The following ERC1 variants were observed in gnomAD, a reference collection of about 807,000 sequenced individuals.
The protein encoded by ERC1 is RAB6 interacting protein 2.
ERC1 carries 56 observed loss-of-function variants against 132.0 expected under a neutral mutation model. The ratio of observed to expected loss-of-function variants is 0.42; its 90% CI spans 0.34 to 0.53. The LOEUF is 0.53. Among genes scored for constraint, ERC1 ranks in the 20% least tolerant of loss-of-function variants. ERC1 has a pLI of 0.03. For missense variants in ERC1, 1,202 were observed against 1,349.9 expected, an observed-to-expected ratio of 0.89 and a Z score of 1.72; for synonymous variants, 478 against 476.1, an observed-to-expected ratio of 1.00 and a Z score of -0.05.
intron 7 of ERC1, among the ~76,000 whole-genome samples, chr12:1,138,020 A>G (rs763017913): frequency 2.2e-4 from 27 of 125,162 alleles, no homozygotes; most frequent in South Asian, 7.2e-4. Flanking sequence ...GTGTAAATGT[A>G]TATATTATAT....
intron 2 of ERC1, among the ~76,000 whole-genome samples, chr12:1,075,874 G>A (rs1941261292): frequency 6.6e-6 from 1 of 152,196 alleles, no homozygotes; most frequent in Admixed American, 6.5e-5. Flanking sequence ...GATTGGTATT[G>A]CTGTCTCAGA....
At chr12:1,105,243 A>G (rs1032507692) in intron 4 of ERC1, among the ~76,000 whole-genome samples, 8 of 152,220 alleles carry the variant, frequency 5.3e-5, no homozygotes, top group East Asian at 3.8e-4. Context: ...ACTCAAAGCA[A>G]CACGAGTCCT....
At chr12:1,195,846 CA>C (rs1180761769) in intron 12 of ERC1, among the ~76,000 whole-genome samples, 1 of 144,900 alleles carries the variant, frequency 6.9e-6, no homozygotes, top group East Asian at 2.1e-4. Flanking sequence ...CCAGTGCATT[CA>C]AATGGATATA....
In ERC1 at chr12:1,217,749, A is replaced by C. The variant is rs531154569; in HGVS notation, c.2352-19020A>C. Among the ~76,000 whole-genome samples the C allele has an allele frequency of 2.0e-5, 3 of 152,096 alleles. No individual in the cohort carries two copies. In the South Asian group the frequency reaches 6.2e-4, roughly 32 times the overall value. On this transcript the variant is annotated intron_variant, in intron 12 of 18. Coordinates refer to ENST00000360905, the MANE Select transcript of ERC1 (RefSeq NM_178040.4). ...TGTTTTGAACCTCGTATGGCCTCACACTTCCTTCCTTACCCGGGTCAGATT... is the reference window on the plus strand; with the variant it reads ...TGTTTTGAACCTCGTATGGCCTCACCCTTCCTTCCTTACCCGGGTCAGATT...
At chr12:1,195,604 C>G (rs1956144960) in intron 12 of ERC1, among the ~76,000 whole-genome samples, 1 of 152,200 alleles carries the variant, frequency 6.6e-6, no homozygotes, top group South Asian at 2.1e-4. Context: ...TGACCCCTTT[C>G]TCCTGAACAT....
intron 1 of ERC1, among the ~76,000 whole-genome samples, chr12:1,021,013 C>T (rs979156484): frequency 1.3e-5 from 2 of 152,160 alleles, no homozygotes; most frequent in Admixed American, 6.5e-5. Context: ...AGTCTGGGCT[C>T]ACTGCAGCCT....
intron 17 of ERC1, among the ~76,000 whole-genome samples, chr12:1,440,429 A>T (rs1041262959): frequency 2.7e-5 from 4 of 147,710 alleles, no homozygotes; most frequent in South Asian, 2.1e-4. Context: ...GATGGTCTCG[A>T]TCTCCTGACC....
At chr12:1,124,166 A>T (rs1007954418) in intron 7 of ERC1, among the ~76,000 whole-genome samples, 2 of 152,230 alleles carry the variant, frequency 1.3e-5, no homozygotes, top group African/African-American at 4.8e-5. Context: ...TTGTCCTAAC[A>T]TAGAGAATAA....
intron 15 of ERC1, among the ~76,000 whole-genome samples, chr12:1,326,124 C>T (rs1185249456): frequency 6.6e-6 from 1 of 152,126 alleles, no homozygotes; most frequent in Admixed American, 6.5e-5. Context: ...CAGGAACTTT[C>T]ACCAGTTTAT....
intron 11 of ERC1, among the ~76,000 whole-genome samples, chr12:1,184,729 T>C (rs1954877890): frequency 6.6e-6 from 1 of 152,230 alleles, no homozygotes; most frequent in African/African-American, 2.4e-5. Flanking sequence ...AACTCAACTT[T>C]TGAGATATCA....
intron 7 of ERC1, among the ~76,000 whole-genome samples, chr12:1,138,925 G>C (rs746388802): frequency 6.6e-6 from 1 of 152,186 alleles, no homozygotes; most frequent in Non-Finnish European, 1.5e-5. Context: ...TTGTAGCTGT[G>C]AGATCTTGGG....
chr12:1,404,934 T>C (rs1376146678), intron 16 of ERC1, among the ~76,000 whole-genome samples: 1 of 151,046 alleles, frequency 6.6e-6, no homozygotes, highest in Non-Finnish European at 1.5e-5. Context: ...GGGTCAGGAG[T>C]TTGAGACCAG....
chr12:1,428,779 T>C (rs2092712311), intron 17 of ERC1, among the ~76,000 whole-genome samples: 1 of 152,216 alleles, frequency 6.6e-6, no homozygotes, highest in Non-Finnish European at 1.5e-5. Context: ...GGGTTAACTG[T>C]TTTGCAGTTC....
chr12:1,269,927 A>G (rs56073926), intron 14 of ERC1, among the ~76,000 whole-genome samples: 37,611 of 152,110 alleles, frequency 0.25, 5,118 homozygotes, highest in Non-Finnish European at 0.3. Flanking sequence ...CAAAGGGACA[A>G]TTCAGCATAT....
chr12:1,194,084 T>C (rs1955990758), intron 12 of ERC1, among the ~76,000 whole-genome samples: 3 of 152,226 alleles, frequency 2.0e-5, no homozygotes, highest in Non-Finnish European at 4.4e-5. Context: ...AGTTTCTATT[T>C]AGATTAATAG....
At chr12:1,231,885 G>C (rs770884463) in intron 12 of ERC1, among the ~76,000 whole-genome samples, 8 of 151,950 alleles carry the variant, frequency 5.3e-5, no homozygotes, top group Admixed American at 3.3e-4. Context: ...GACTACAGGC[G>C]CCCGCCACCA....
rs573168522 is a variant in ERC1 at position 1,444,547 on chromosome 12, A to T, written c.3025-15A>T. 9 of 1,543,284 alleles carry T rather than the reference A, an allele frequency of 5.8e-6. No homozygotes were observed. The highest frequency in any genetic ancestry group is 5.8e-5 in the Admixed American group (3 of 51,656). On this transcript the variant is annotated splice_polypyrimidine_tract_variant and intron_variant, in intron 17 of 18. Transcript: ENST00000360905. ...TCCTCATTTTATTTTATTTTATTTTATTTTTTTGCCTTAGATCATCCAGCC... is the reference window on the plus strand; with the variant it reads ...TCCTCATTTTATTTTATTTTATTTTTTTTTTTTGCCTTAGATCATCCAGCC...
At chr12:1,244,440 T>C (rs1016297583) in intron 13 of ERC1, 1 of 397,992 alleles carries the variant, frequency 2.5e-6, no homozygotes, top group South Asian at 1.9e-5. Context: ...TTAGTATTTC[T>C]ACGTTAAGTA....
chr12:1,213,472 C>T (rs1360890118), intron 12 of ERC1, among the ~76,000 whole-genome samples: 1 of 151,894 alleles, frequency 6.6e-6, no homozygotes, highest in African/African-American at 2.4e-5. Context: ...TGCGGTGGCT[C>T]ATGCCTGTAA....
Sources: allele counts gnomAD v4.1 joint callset (sites outside exome capture counted in the v4.1 genomes callset), GRCh38; gene constraint gnomAD v4.1.1; transcripts MANE v1.5; gene names NCBI Gene and HGNC (gene_info 2026-07-23, HGNC 2026-07-21).